AMOTL1: variants seen among roughly 807,000 people sequenced by gnomAD.
AMOTL1 encodes the protein angiomotin like 1.
AMOTL1 carries 45 observed loss-of-function variants against 102.9 expected under a neutral mutation model. That is an observed-to-expected ratio of 0.44 (90% CI 0.34 to 0.56). The LOEUF (loss-of-function observed/expected upper bound fraction) is 0.56, where lower values mean the gene tolerates loss of function less well. Among genes scored for constraint, AMOTL1 ranks in the 20% least tolerant of loss-of-function variants. The probability of loss-of-function intolerance (pLI) is 0.01; values close to 1 mark genes in which losing one functional copy is unlikely to be tolerated. For missense variants in AMOTL1, 1,114 were observed against 1,225.6 expected (o/e 0.91, Z 1.36); for synonymous variants, 481 against 484.7 (o/e 0.99, Z 0.10).
chr11:94,814,724 A>G (rs547995207), intron 3 of AMOTL1, among the ~76,000 whole-genome samples: 1 of 152,344 alleles, frequency 6.6e-6, no homozygotes, highest in South Asian at 2.1e-4. Context: ...CTATAACTCC[A>G]TGTTCTAATT....
chr11:94,743,524 CA>C lies in AMOTL1; in HGVS notation c.136+2537del, dbSNP rs372240126. 6.9e-3 allele frequency among the ~76,000 whole-genome samples: 1,053 copies of C among 152,116 alleles called. 11 individuals are homozygous for C. Among genetic ancestry groups the C allele is most frequent in the South Asian group, 0.033 (157 of 4,818 alleles). ...ACAGCAGGAAAAATGCCTTTTACAGCAGTTGATGAGCTTGTCAAGCAGCCAT... is the reference window on the plus strand; with the variant it reads ...ACAGCAGGAAAAATGCCTTTTACAGCGTTGATGAGCTTGTCAAGCAGCCAT... On this transcript the variant is annotated intron_variant, in intron 3 of 4. Transcript: ENST00000299004.
At chr11:94,777,839 G>A (rs1045246063) in intron 1 of AMOTL1, among the ~76,000 whole-genome samples, 2 of 152,138 alleles carry the variant, frequency 1.3e-5, no homozygotes, top group African/African-American at 4.8e-5. Flanking sequence ...TCTGTTGAGT[G>A]AATAACTCTG....
chr11:94,768,531 G>T lies in AMOTL1; in HGVS notation c.20G>T (p.Arg7Leu), dbSNP rs373449240. MWRAKL[R>L]RGTCEPAVKG... ...CGCCTCATGTGGAGGGCAAAGTTGC[G>T]CCGGGGAACTTGTGAGCCTGCGGTG... The change falls in exon 1 of 13, where the codon CGC becomes CTC. Residue 7 changes from arginine to leucine, a missense_variant. Arg to Leu is a moderately radical substitution (Grantham distance 102). Coordinates refer to ENST00000433060, the MANE Select transcript of AMOTL1 (RefSeq NM_130847.3). The T allele has an allele frequency of 1.2e-6, 2 of 1,602,026 alleles. No homozygotes were observed. Among genetic ancestry groups the T allele is most frequent in the East Asian group, 2.3e-5 (1 of 44,104 alleles).
intron 1 of AMOTL1, among the ~76,000 whole-genome samples, chr11:94,776,813 G>T (rs1326130107): frequency 6.6e-6 from 1 of 152,222 alleles, no homozygotes; most frequent in African/African-American, 2.4e-5. Context: ...CTATCTGCTG[G>T]TCTTGGGAAA....
At chr11:94,854,456 A>G (rs167983) in intron 8 of AMOTL1, among the ~76,000 whole-genome samples, 21,732 of 152,146 alleles carry the variant, frequency 0.14, 3,456 homozygotes, top group African/African-American at 0.39. Flanking sequence ...GAAACGACAT[A>G]GCACGTCCAG....
chr11:94,749,371 C>T (rs745851194), intron 3 of AMOTL1, among the ~76,000 whole-genome samples: 54 of 152,192 alleles, frequency 3.5e-4, no homozygotes, highest in Admixed American at 5.9e-4. Context: ...TCCAGGCCCC[C>T]GGCCAATTGG....
chr11:94,841,793 A>C (rs990282571), intron 6 of AMOTL1, among the ~76,000 whole-genome samples: 3 of 151,912 alleles, frequency 2.0e-5, no homozygotes, highest in African/African-American at 7.3e-5. Flanking sequence ...TGGGTGGGTA[A>C]AAAAACCTCT....
chr11:94,762,914 C>G (rs1211108196), intron 3 of AMOTL1, among the ~76,000 whole-genome samples: 1 of 152,220 alleles, frequency 6.6e-6, no homozygotes, highest in African/African-American at 2.4e-5. Context: ...TCCCGACAAA[C>G]AGGCCTCAGA....
intron 1 of AMOTL1, among the ~76,000 whole-genome samples, chr11:94,769,263 T>C (rs1950907960): frequency 6.6e-6 from 1 of 152,260 alleles, no homozygotes; most frequent in Non-Finnish European, 1.5e-5. Context: ...AACTGTTTTT[T>C]CTTGGAATGT....
chr11:94,801,845 T>C (rs1951484019), intron 3 of AMOTL1, among the ~76,000 whole-genome samples: 1 of 152,150 alleles, frequency 6.6e-6, no homozygotes, highest in African/African-American at 2.4e-5. Context: ...GCAGGGAACA[T>C]GAACAGAAAA....
intron 11 of AMOTL1, among the ~76,000 whole-genome samples, chr11:94,868,594 G>A (rs754787337): frequency 1.3e-5 from 2 of 152,200 alleles, no homozygotes; most frequent in Non-Finnish European, 2.9e-5. Flanking sequence ...TGTGCAGGTA[G>A]CATGTTTATC....
At chr11:94,860,290 A>G (rs333021) in intron 9 of AMOTL1, among the ~76,000 whole-genome samples, 12,786 of 152,218 alleles carry the variant, frequency 0.084, 1,414 homozygotes, top group African/African-American at 0.26. Flanking sequence ...CCTAATCACA[A>G]TGGTAGTGAG....
chr11:94,713,915 A>G (rs566598108), intron 1 of AMOTL1, among the ~76,000 whole-genome samples: 19 of 152,126 alleles, frequency 1.2e-4, no homozygotes, highest in Non-Finnish European at 1.3e-4. Context: ...TGCACTGGCT[A>G]GACCTCTCAG....
chr11:94,843,666 T>C (rs550318969), intron 6 of AMOTL1, among the ~76,000 whole-genome samples: 6 of 152,310 alleles, frequency 3.9e-5, no homozygotes, highest in African/African-American at 1.4e-4. Context: ...GAGGGATCAC[T>C]GAGGAAGAAG....
chr11:94,867,048 C>T (rs547341824), intron 11 of AMOTL1, among the ~76,000 whole-genome samples: 2 of 152,240 alleles, frequency 1.3e-5, no homozygotes, highest in Admixed American at 1.3e-4. Context: ...GATGCATTTC[C>T]CCACATCAGA....
chr11:94,820,968 C>T (rs1166240575), intron 3 of AMOTL1, among the ~76,000 whole-genome samples: 2 of 152,172 alleles, frequency 1.3e-5, no homozygotes, highest in Non-Finnish European at 2.9e-5. Flanking sequence ...TGCTGTGTGG[C>T]CCAGTCCCTA....
intron 9 of AMOTL1, among the ~76,000 whole-genome samples, chr11:94,859,969 G>C (rs1316741116): frequency 3.9e-5 from 6 of 152,092 alleles, no homozygotes; most frequent in Non-Finnish European, 4.4e-5. Flanking sequence ...TCATAGACAT[G>C]CCAGAAGGTG....
intron 3 of AMOTL1, among the ~76,000 whole-genome samples, chr11:94,819,845 G>T (rs1951832975): frequency 6.6e-6 from 1 of 152,172 alleles, no homozygotes; most frequent in Non-Finnish European, 1.5e-5. Flanking sequence ...ATTTCTAAAT[G>T]TTGTTAGGAG....
At chr11:94,854,154 T>C (rs1441321356) in intron 8 of AMOTL1, 72 bp downstream of exon 8, 1 of 1,450,264 alleles carries the variant, frequency 6.9e-7, no homozygotes, top group Non-Finnish European at 9.1e-7. Context: ...TGTTCTACCA[T>C]GGGCCAGATC....
Sources: allele counts gnomAD v4.1 joint callset (sites outside exome capture counted in the v4.1 genomes callset), GRCh38; gene constraint gnomAD v4.1.1; transcripts MANE v1.5; gene names NCBI Gene and HGNC (gene_info 2026-07-23, HGNC 2026-07-21).